The following MATK variants were observed in gnomAD, a reference collection of about 807,000 sequenced individuals.
MATK encodes the protein megakaryocyte-associated tyrosine kinase.
Under a neutral mutation model 59.8 loss-of-function variants are expected in MATK, and 41 were observed. That is an observed-to-expected ratio of 0.69 (90% CI 0.53 to 0.89). The LOEUF (loss-of-function observed/expected upper bound fraction) is 0.89. Ranked by LOEUF, MATK falls within the 40% of genes least tolerant of loss-of-function variation. The probability of loss-of-function intolerance (pLI) is 0.00; values close to 1 mark genes in which losing one functional copy is unlikely to be tolerated. For synonymous variants in MATK, 308 were observed against 306.1 expected, an observed-to-expected ratio of 1.01 and a Z score of -0.06; for missense variants, 593 against 719.6, an observed-to-expected ratio of 0.82 and a Z score of 2.01.
chr19:3,781,539 G>A (rs781782153), intron 8 of MATK, 68 bp downstream of exon 8: 48 of 1,524,274 alleles, frequency 3.1e-5, no homozygotes, highest in Non-Finnish European at 4.4e-5. Context: ...ATTCAGCTCT[G>A]TGACTCCAAA....
rs112994258 is a variant in MATK, at chr19:3,778,029, G to A, written c.*154C>T. 1.3e-5 allele frequency: 14 copies of A among 1,100,084 alleles called. No individual in the cohort carries two copies. The African/African-American group carries it at 1.5e-4, about 12-fold the overall frequency. The allele number at this position is 1,100,084 out of a possible 1,614,324, so 68.1% of individuals were successfully genotyped here. A position where few individuals can be genotyped will look rare whatever the true frequency, so the allele number is the denominator to read the frequency against. ...TCCTTCGCAGGTCTGGGGTGTCCAC[G>A]GGCCGCCCAGAGCCCCCTACGTGGG... On this transcript the variant is annotated 3_prime_UTR_variant, in exon 14 of 14. Transcript: ENST00000310132.
At chr19:3,785,019 A>T (rs938984644) in intron 2 of MATK, 45 bp downstream of exon 2, 105 of 1,592,156 alleles carry the variant, frequency 6.6e-5, no homozygotes, top group Non-Finnish European at 8.8e-5. Context: ...CCTGGATGGG[A>T]CCCAGAACTG....
At chr19:3,778,762 G>A (rs1428013434) in intron 12 of MATK, among the ~76,000 whole-genome samples, 167 bp from the exon 13 acceptor site, 2 of 152,222 alleles carry the variant, frequency 1.3e-5, no homozygotes, top group South Asian at 2.1e-4. Context: ...CTTAGTGCAT[G>A]AAGGAAGCCT....
upstream of MATK, chr19:3,789,295 G>T (rs1464405917): frequency 1.3e-6 from 1 of 779,374 alleles, no homozygotes; most frequent in Middle Eastern, 2.3e-4. Context: ...CTGACCACGG[G>T]TCCCTCGCCG....
chr19:3,778,458 C>G, intron 13 of MATK, 36 bp from the exon 14 acceptor site: 4 of 1,613,648 alleles, frequency 2.5e-6, no homozygotes, highest in Non-Finnish European at 3.4e-6. Flanking sequence ...GTCAGGGCCA[C>G]AGCCTCTGGA....
chr19:3,783,274 T>C (rs961088344), intron 6 of MATK, 55 bp from the exon 7 acceptor site: 5 of 819,068 alleles, frequency 6.1e-6, no homozygotes, highest in Non-Finnish European at 9.0e-6. Context: ...AACCCCAGCA[T>C]CCTGTTCCGT....
rs2037437572 is a variant in MATK, at chr19:3,783,882, G to A, written c.514C>T (p.Leu172=). The part of the protein sequence containing the change: ...FGRDVIHYRV[L]HRDGHLTIDE... ...ATTGTGAGGTGGCCGTCGCGGTGCAGCACGCGGTAGTGGATGACGTCGCGG... is the reference window on the plus strand; with the variant it reads ...ATTGTGAGGTGGCCGTCGCGGTGCAACACGCGGTAGTGGATGACGTCGCGG... The change falls in exon 6 of 14, where the codon CTG becomes TTG. Residue 172 remains leucine (L), a synonymous_variant. Transcript: ENST00000310132. The A allele has an allele frequency of 3.1e-6, 5 of 1,613,202 alleles. No individual in the cohort carries two copies. Among genetic ancestry groups the A allele is most frequent in the Non-Finnish European group, 4.2e-6 (5 of 1,179,900 alleles).
At chr19:3,796,530 T>C (rs1377988883) in intron 1 of MATK, among the ~76,000 whole-genome samples, 1 of 152,146 alleles carries the variant, frequency 6.6e-6, no homozygotes, top group Non-Finnish European at 1.5e-5. Flanking sequence ...ACTAAGAACA[T>C]TATTTTCTGG....
intron 1 of MATK, among the ~76,000 whole-genome samples, chr19:3,800,560 C>T (rs544932788): frequency 1.3e-4 from 20 of 151,334 alleles, no homozygotes; most frequent in African/African-American, 4.4e-4. Context: ...GCAGGAGAAT[C>T]GCCTGAACCC....
Position 3,779,426 on chromosome 19 carries a change from G to C in MATK, c.953C>G (p.Thr318Ser). 1 of 1,613,292 alleles carries C rather than the reference G, an allele frequency of 6.2e-7. No homozygotes were observed. Among genetic ancestry groups the C allele is most frequent in the Non-Finnish European group, 8.5e-7 (1 of 1,180,000 alleles). The change falls in exon 11 of 14, where the codon ACC becomes AGC. Residue 318 changes from threonine to serine, a missense_variant. Transcript: ENST00000310132. ...GGTGTTCACGAGGGCTCGACCCCGGGTCCGCAGAAAGTTCACCAGGTTGCC... is the reference window on the plus strand; with the variant it reads ...GGTGTTCACGAGGGCTCGACCCCGGCTCCGCAGAAAGTTCACCAGGTTGCC... ...SKGNLVNFLR[T>S]RGRALVNTAQ... is the part of the protein sequence containing the mutation.
upstream of MATK, chr19:3,787,335 G>T (rs1481692613): frequency 1.3e-5 from 2 of 151,298 alleles, no homozygotes; most frequent in Non-Finnish European, 2.9e-5. Context: ...TCAGGAGGGG[G>T]TGAGTTCCCT....
At chr19:3,786,705 G>A (rs557809570), upstream of MATK, among the ~76,000 whole-genome samples, 5 of 152,058 alleles carry the variant, frequency 3.3e-5, no homozygotes, top group South Asian at 8.3e-4. The surrounding 1 kb of genome is among the most constrained non-coding windows in gnomAD (Gnocchi z 4.1). Context: ...CCTCAGTGTC[G>A]CCCATTTGAG....
chr19:3,795,009 G>A (rs1373055071), intron 1 of MATK, among the ~76,000 whole-genome samples: 5 of 118,444 alleles, frequency 4.2e-5, no homozygotes, highest in African/African-American at 1.4e-4. Context: ...CTGGAGTCTC[G>A]CTCTGTTGCC....
chr19:3,779,286 T>G, intron 11 of MATK, 92 bp downstream of exon 11: 1 of 1,568,816 alleles, frequency 6.4e-7, no homozygotes, highest in Admixed American at 1.7e-5. Context: ...TCACAAAGCC[T>G]CCCTGCCCCG....
Position 3,779,353 on chromosome 19 carries a change from G to A in MATK, c.1001+25C>T, listed in dbSNP as rs112889670. The A allele has an allele frequency of 1.2e-5, 20 of 1,611,328 alleles. 1 individual carries two copies. The highest frequency in any genetic ancestry group is 7.7e-5 in the South Asian group (7 of 91,054). ...TCTGCGCCCCGACGACCCCAGTGCCGCAGCACCCTGAGAGTCCCACTTACA... is the reference window on the plus strand; with the variant it reads ...TCTGCGCCCCGACGACCCCAGTGCCACAGCACCCTGAGAGTCCCACTTACA... On this transcript the variant is annotated intron_variant, in intron 11 of 13. Transcript: ENST00000310132.
chr19:3,794,101 C>G (rs9676784), intron 1 of MATK, among the ~76,000 whole-genome samples: 37,336 of 151,918 alleles, frequency 0.25, 4,875 homozygotes, highest in African/African-American at 0.32. Flanking sequence ...CCAGCTACTT[C>G]TCTGCACTTT....
upstream of MATK, chr19:3,789,456 G>A (rs995212337): frequency 1.3e-4 from 73 of 581,200 alleles, 1 homozygote; most frequent in East Asian, 1.9e-3. Context: ...CCAGGGCTCC[G>A]GGCAGGAGGC....
chr19:3,782,518 T>G (rs115316415), intron 7 of MATK, among the ~76,000 whole-genome samples: 1 of 152,202 alleles, frequency 6.6e-6, no homozygotes, highest in South Asian at 2.1e-4. Context: ...GAACAGAATA[T>G]ACAATGGCTC....
chr19:3,784,428 C>G lies in MATK; in HGVS notation c.156G>C (p.Gln52His). 6.2e-7 allele frequency: 1 copy of G among 1,601,260 alleles called. No homozygotes were observed. Among genetic ancestry groups the G allele is most frequent in the Non-Finnish European group, 8.5e-7 (1 of 1,176,420 alleles). The change falls in exon 4 of 14, where the codon CAG (glutamine) becomes CAC (histidine). Residue 52 changes from glutamine to histidine, a missense_variant. Transcript: ENST00000310132. ...MPTRRWAPGTQCITKCEHTRP... is the reference protein window; with the variant it reads ...MPTRRWAPGTHCITKCEHTRP... ...GGGTGTGCTCGCATTTGGTGATACA[C>G]TGGGTGCCCGGGGCCCAGCGCCTCT...
Sources: gnomAD v4.1 joint callset for allele counts (sites outside exome capture counted in the v4.1 genomes callset) on GRCh38, gnomAD v4.1.1 for gene constraint, Gnocchi (gnomAD v3.1) non-coding constraint, MANE v1.5 for transcripts, NCBI Gene and HGNC (gene_info 2026-07-23, HGNC 2026-07-21) for gene names.